PSD3: variants seen among roughly 807,000 people sequenced by gnomAD.
The protein encoded by PSD3 is PH and SEC7 domain-containing protein 3.
A neutral mutation model predicts 105.5 loss-of-function variants in PSD3; 49 were observed. The observed-to-expected ratio is 0.46, with a 90% CI of 0.37 to 0.59. PSD3 has a LOEUF of 0.59. PSD3 is among the 20% of genes least tolerant of loss of function. PSD3 has a pLI of 0.00. For missense variants in PSD3, 1,561 were observed against 1,263.8 expected (o/e 1.24, Z -3.57); for synonymous variants, 557 against 457.8 (o/e 1.22, Z -2.77).
chr8:18,771,679 G>C (rs1346174873), intron 8 of PSD3, among the ~76,000 whole-genome samples: 1 of 152,168 alleles, frequency 6.6e-6, no homozygotes, highest in Non-Finnish European at 1.5e-5. Flanking sequence ...TTAGACACTT[G>C]ATTATACTGC....
At chr8:18,808,990 C>T (rs1467547433) in intron 4 of PSD3, 1 of 1,325,706 alleles carries the variant, frequency 7.5e-7, no homozygotes, top group African/African-American at 1.5e-5. Flanking sequence ...CTAATAAAAA[C>T]AGCAGCCAGA....
At chr8:18,761,825 G>C (rs1716300131) in intron 9 of PSD3, among the ~76,000 whole-genome samples, 1 of 152,156 alleles carries the variant, frequency 6.6e-6, no homozygotes, top group African/African-American at 2.4e-5. Context: ...GGAGCCAGTA[G>C]AAACATGATC....
chr8:18,957,261 C>T (rs1223118386), intron 1 of PSD3, among the ~76,000 whole-genome samples: 1 of 151,878 alleles, frequency 6.6e-6, no homozygotes, highest in Non-Finnish European at 1.5e-5. Flanking sequence ...GTCCCAGCTA[C>T]TCGGGAGGCT....
At chr8:18,961,283 T>G (rs899478280) in intron 1 of PSD3, among the ~76,000 whole-genome samples, 1 of 152,202 alleles carries the variant, frequency 6.6e-6, no homozygotes, top group Non-Finnish European at 1.5e-5. Flanking sequence ...AACTCAATAC[T>G]TACGAGTCCA....
At chr8:18,755,385 G>C (rs1347295232) in intron 9 of PSD3, among the ~76,000 whole-genome samples, 2 of 151,880 alleles carry the variant, frequency 1.3e-5, no homozygotes, top group African/African-American at 2.4e-5. Flanking sequence ...AGCCGAGATT[G>C]TACCACTGCA....
At chr8:18,966,444 G>A (rs112342468) in intron 1 of PSD3, among the ~76,000 whole-genome samples, 33,287 of 151,690 alleles carry the variant, frequency 0.22, 4,138 homozygotes, top group African/African-American at 0.35. Flanking sequence ...GGTGGTGCAC[G>A]CCTGTAATCC....
intron 1 of PSD3, among the ~76,000 whole-genome samples, chr8:18,998,444 T>A (rs1826197313): frequency 1.3e-5 from 2 of 151,814 alleles, no homozygotes; most frequent in South Asian, 4.2e-4. Flanking sequence ...TCCCAGCACT[T>A]TGGGAGGCCG....
chr8:18,772,419 A>T (rs1807623935), intron 8 of PSD3, among the ~76,000 whole-genome samples: 2 of 152,160 alleles, frequency 1.3e-5, no homozygotes, highest in South Asian at 4.1e-4. Context: ...CAATGATCGT[A>T]GTGGGTATCA....
chr8:18,920,187 G>A (rs1820915511), intron 2 of PSD3, among the ~76,000 whole-genome samples: 1 of 152,010 alleles, frequency 6.6e-6, no homozygotes, highest in Non-Finnish European at 1.5e-5. Flanking sequence ...CTTTAAAACA[G>A]CAATTCTCAA....
chr8:18,756,544 C>G (rs1353762157), intron 9 of PSD3, among the ~76,000 whole-genome samples: 1 of 151,800 alleles, frequency 6.6e-6, no homozygotes, highest in African/African-American at 2.4e-5. Flanking sequence ...GATTTGGATT[C>G]AAAATGACGT....
At chr8:18,562,229 G>C (rs1242018434) in intron 14 of PSD3, among the ~76,000 whole-genome samples, 2 of 152,172 alleles carry the variant, frequency 1.3e-5, no homozygotes, top group African/African-American at 4.8e-5. Flanking sequence ...CAAGCTGTGG[G>C]ATACAGAATC....
At chr8:18,675,063 C>CT (rs5889815) in intron 9 of PSD3, among the ~76,000 whole-genome samples, 68,979 of 152,006 alleles carry the variant, frequency 0.45, 18,410 homozygotes, top group Non-Finnish European at 0.58. Context: ...TCTGCTGGAC[C>CT]TTTATCTGTC....
chr8:18,706,862 A>T (rs574159866), intron 9 of PSD3, among the ~76,000 whole-genome samples: 1 of 152,338 alleles, frequency 6.6e-6, no homozygotes, highest in South Asian at 2.1e-4. Flanking sequence ...CCTATTAGGA[A>T]AGAATGTCCT....
chr8:18,567,295 A>AT lies in PSD3; in HGVS notation c.2784+5232dup, dbSNP rs147538458. On this transcript the variant is annotated intron_variant, in intron 14 of 15. Transcript: ENST00000327040. Reference sequence around the variant, plus strand: ...TTTTTTTTTTGCTTCCAGTTACTTGATTTTTTCCCTCCCCTTATATCGTGT... The same window carrying AT: ...TTTTTTTTTTGCTTCCAGTTACTTGATTTTTTTCCCTCCCCTTATATCGTGT... Among the ~76,000 whole-genome samples, 474 of 151,584 alleles carry AT rather than the reference A, an allele frequency of 3.1e-3. 5 individuals carry two copies. Among genetic ancestry groups the AT allele is most frequent in the African/African-American group, 0.011 (444 of 41,300 alleles).
intron 4 of PSD3, among the ~76,000 whole-genome samples, chr8:18,841,467 AACACACACACAC>A (rs35771611): frequency 3.8e-4 from 57 of 148,242 alleles, no homozygotes; most frequent in African/African-American, 1.3e-3. Context: ...CTGCTATTTA[AACACACACACAC>A]ACACACACAC....
chr8:18,929,237 A>C (rs1821579430), intron 2 of PSD3, among the ~76,000 whole-genome samples: 1 of 140,464 alleles, frequency 7.1e-6, no homozygotes, highest in East Asian at 2.4e-4. Context: ...AAAGAAAATA[A>C]ATTCACAACA....
intron 12 of PSD3, among the ~76,000 whole-genome samples, chr8:18,580,667 A>G (rs1802755587): frequency 1.3e-5 from 2 of 152,182 alleles, no homozygotes; most frequent in African/African-American, 2.4e-5. Context: ...ATGATTCTGC[A>G]CCAAGGACAC....
intron 4 of PSD3, among the ~76,000 whole-genome samples, chr8:18,857,858 T>C (rs1015870640): frequency 3.9e-5 from 6 of 152,148 alleles, no homozygotes; most frequent in African/African-American, 1.4e-4. Flanking sequence ...AGGCTTTCCT[T>C]TTGTAATTTT....
At chr8:18,728,395 CACTTAG>C in intron 9 of PSD3, among the ~76,000 whole-genome samples, 1 of 152,262 alleles carries the variant, frequency 6.6e-6, no homozygotes, top group Non-Finnish European at 1.5e-5. Context: ...ATAGAAAGAA[CACTTAG>C]ACTTTGATGA....
Sources: gnomAD v4.1 joint callset for allele counts (sites outside exome capture counted in the v4.1 genomes callset) on GRCh38, gnomAD v4.1.1 for gene constraint, MANE v1.5 for transcripts, NCBI Gene and HGNC (gene_info 2026-07-23, HGNC 2026-07-21) for gene names.